The following TAOK2 variants were observed in gnomAD, a reference collection of about 807,000 sequenced individuals.
The protein encoded by TAOK2 is TAO kinase 2, also known as serine/threonine-protein kinase TAO2.
Under a neutral mutation model 122.5 loss-of-function variants are expected in TAOK2, and 42 were observed. That is an observed-to-expected ratio of 0.34 (90% CI 0.27 to 0.44). The LOEUF is 0.44. Ranked by LOEUF, TAOK2 falls within the 20% of genes least tolerant of loss-of-function variation. The pLI, the probability that TAOK2 is intolerant of heterozygous loss-of-function variation, is 1.00. For missense variants in TAOK2, 1,264 were observed against 1,644.9 expected, an observed-to-expected ratio of 0.77 and a Z score of 4.01; for synonymous variants, 704 against 677.6, an observed-to-expected ratio of 1.04 and a Z score of -0.61.
downstream of TAOK2, chr16:29,989,344 C>A (rs904824610): frequency 3.0e-6 from 3 of 985,134 alleles, no homozygotes; most frequent in Admixed American, 1.8e-4. Flanking sequence ...TCTTGCCCAT[C>A]GAGACCTTCC....
At chr16:29,988,559 C>T (rs1206932447), downstream of TAOK2, 63 of 985,244 alleles carry the variant, frequency 6.4e-5, no homozygotes, top group Non-Finnish European at 7.3e-5. Context: ...TTCATAGCTT[C>T]ATTGCACCAT....
chr16:29,991,146 AG>A (rs1567255715), downstream of TAOK2: 1 of 1,610,676 alleles, frequency 6.2e-7, no homozygotes, highest in Non-Finnish European at 8.5e-7. The surrounding 1 kb of genome is among the most constrained non-coding windows in gnomAD (Gnocchi z 5.6). Flanking sequence ...CGATGCGGAA[AG>A]CATGAGGCTG....
chr16:29,979,333 G>A lies in TAOK2; in HGVS notation c.563+25G>A. 6.2e-7 allele frequency: 1 copy of A among 1,613,128 alleles called. No individual in the cohort carries two copies. ...GGTGAGTGAGTGAGTGGTGGTGAGTGGAGAGACCTCCCAGGGATGTTGGGA... is the reference window on the plus strand; with the variant it reads ...GGTGAGTGAGTGAGTGGTGGTGAGTAGAGAGACCTCCCAGGGATGTTGGGA... On this transcript the variant is annotated intron_variant, in intron 7 of 15. Coordinates refer to ENST00000308893, the MANE Select transcript of TAOK2 (RefSeq NM_016151.4). This position sits in a 1 kb window ranked among gnomAD's most constrained non-coding sequence, Gnocchi z 4.1.
intron 1 of TAOK2, among the ~76,000 whole-genome samples, chr16:29,976,333 G>A (rs1403873366): frequency 6.6e-6 from 1 of 152,196 alleles, no homozygotes; most frequent in African/African-American, 2.4e-5. Context: ...CAATCACTCA[G>A]TCTCCCAGGC....
At position 29,986,714 on chromosome 16, in the gene TAOK2, G is replaced by T; in HGVS notation, c.2442G>T (p.Gln814His). 6.2e-7 allele frequency: 1 copy of T among 1,614,060 alleles called. No individual in the cohort carries two copies. Among genetic ancestry groups the T allele is most frequent in the Non-Finnish European group, 8.5e-7 (1 of 1,179,972 alleles). ...GGGCCACTTTGGAGCCCAAGCAGCA[G>T]AGGATTCTGGGGGAAGAATCAGGAG... ...KEGATLEPKQQRILGEESGAP... is the reference protein window; with the variant it reads ...KEGATLEPKQHRILGEESGAP... Residue 814 changes from glutamine (Q) to histidine (H), a missense_variant, in exon 16 of 16, where the codon CAG becomes CAT. Gln to His is a conservative substitution (Grantham distance 24). Around this residue, in one of 4 missense-constraint regions of TAOK2, gnomAD observed 824 missense variants for 908.7 expected, o/e 0.91. Coordinates refer to ENST00000308893, the MANE Select transcript of TAOK2 (RefSeq NM_016151.4). This position sits in a 1 kb window ranked among gnomAD's most constrained non-coding sequence, Gnocchi z 4.2.
chr16:29,988,267 G>C lies in TAOK2; in HGVS notation c.*287G>C. 6.8e-7 allele frequency: 1 copy of C among 1,470,492 alleles called. No homozygotes were observed. 91.1% of individuals were successfully genotyped at this position (1,470,492 alleles called of 1,614,324 possible). ...ACTCAGGCCTGGGGCCAGGGGTGGT[G>C]GAGGGTGGGAAGAGTCATGTTTTTT... On this transcript the variant is annotated 3_prime_UTR_variant, in exon 16 of 16. Transcript: ENST00000308893.
intron 11 of TAOK2, 45 bp downstream of exon 11, chr16:29,982,946 C>A: frequency 1.2e-6 from 2 of 1,607,592 alleles, no homozygotes; most frequent in Admixed American, 3.3e-5. Flanking sequence ...CCCATGTGTG[C>A]CTGCCCCCTG....
chr16:29,991,879 G>A (rs2069978175), downstream of TAOK2: 2 of 296,210 alleles, frequency 6.8e-6, no homozygotes, highest in Non-Finnish European at 1.2e-5. The surrounding 1 kb of genome is among the most constrained non-coding windows in gnomAD (Gnocchi z 5.6). Context: ...GGAGGGGAAG[G>A]GTGGGTCTAG....
intron 12 of TAOK2, 66 bp from the exon 13 acceptor site, chr16:29,983,437 C>T: frequency 6.4e-7 from 1 of 1,566,348 alleles, no homozygotes; most frequent in African/African-American, 1.3e-5. Context: ...GATTGGCTGT[C>T]CTCAGGTAGC....
chr16:29,989,560 C>G (rs779333579), downstream of TAOK2: 2 of 1,611,314 alleles, frequency 1.2e-6, no homozygotes, highest in Non-Finnish European at 1.7e-6. Flanking sequence ...TTCCCCGCTG[C>G]CCCCATCTCC....
downstream of TAOK2, chr16:29,991,477 G>A (rs557683834): frequency 6.1e-6 from 9 of 1,486,162 alleles, no homozygotes; most frequent in South Asian, 6.7e-5. This position sits in a 1 kb window ranked among gnomAD's most constrained non-coding sequence, Gnocchi z 5.6. Flanking sequence ...GAGAATGTGG[G>A]CCCCCCTGCT....
rs564533648 is a variant in TAOK2 at position 29,985,405 on chromosome 16, G to T, written c.1615G>T (p.Ala539Ser). ...GCAGCGGGCTGGCTTTGGGGCAGAGGCAGAAAAGCTGGCCCGGCGGCACCA... is the reference window on the plus strand; with the variant it reads ...GCAGCGGGCTGGCTTTGGGGCAGAGTCAGAAAAGCTGGCCCGGCGGCACCA... ...EAQRAGFGAE[A>S]EKLARRHQAI... Residue 539 changes from alanine (A) to serine (S), a missense_variant, in exon 14 of 16, where the codon GCA becomes TCA. By Grantham distance (99) the Ala-to-Ser change is moderately conservative (BLOSUM62 1). Transcript: ENST00000308893. The surrounding 1 kb of genome is among the most constrained non-coding windows in gnomAD (Gnocchi z 6.9). 4.3e-5 allele frequency: 69 copies of T among 1,609,016 alleles called. 3 individuals carry two copies. The South Asian group carries it at 7.4e-4, about 17-fold the overall frequency.
At chr16:29,975,045 G>T (rs1488321240) in intron 1 of TAOK2, among the ~76,000 whole-genome samples, 7 of 152,102 alleles carry the variant, frequency 4.6e-5, no homozygotes, top group African/African-American at 1.7e-4. Flanking sequence ...TGGTGGGTCT[G>T]CTTATCTGCT....
intron 1 of TAOK2, among the ~76,000 whole-genome samples, chr16:29,977,160 C>A (rs542261189): frequency 6.6e-6 from 1 of 152,254 alleles, no homozygotes; most frequent in South Asian, 2.1e-4. Context: ...CCTATTCTTC[C>A]CATTCTAGAT....
At chr16:29,982,239 A>G (rs904605561) in intron 10 of TAOK2, among the ~76,000 whole-genome samples, 1 of 152,254 alleles carries the variant, frequency 6.6e-6, no homozygotes, top group Non-Finnish European at 1.5e-5. Flanking sequence ...GATCTGATGT[A>G]ATGCAAGCCA....
chr16:29,984,881 C>T (rs1418059649), intron 13 of TAOK2, among the ~76,000 whole-genome samples: 1 of 152,170 alleles, frequency 6.6e-6, no homozygotes, highest in African/African-American at 2.4e-5. Flanking sequence ...AGTTAACTTA[C>T]TTGAGATCAC....
chr16:29,988,245 C>A lies in TAOK2; in HGVS notation c.*265C>A. ...GTGCTCATCCTCACCCTCATTGACT[C>A]AGGCCTGGGGCCAGGGGTGGTGGAG... is the stretch of plus-strand genomic sequence containing the variant. On this transcript the variant is annotated 3_prime_UTR_variant, in exon 16 of 16. Transcript: ENST00000308893. The A allele has an allele frequency of 1.4e-6, 2 of 1,454,622 alleles. No homozygotes were observed. Among genetic ancestry groups the A allele is most frequent in the Non-Finnish European group, 1.8e-6 (2 of 1,110,074 alleles). The allele number at this position is 1,454,622 out of a possible 1,614,324, so 90.1% of individuals were successfully genotyped here. A position where few individuals can be genotyped will look rare whatever the true frequency, so the allele number is the denominator to read the frequency against.
In TAOK2 at chr16:29,983,153, G is replaced by A. The variant is rs778654857; in HGVS notation, c.1081G>A (p.Ala361Thr). Residue 361 changes from alanine (A) to threonine (T), a missense_variant, in exon 12 of 16, where the codon GCC (alanine) becomes ACC (threonine). This residue lies in a region of TAOK2 where 254 missense variants were observed against 503.8 expected (regional missense o/e 0.50). Transcript: ENST00000308893. Reference sequence around the variant, plus strand: ...CTCAGTGCCCAGCATGTCCATCAGCGCCTCCAGCCAGAGCAGCTCCGTCAA... The same window carrying A: ...CTCAGTGCCCAGCATGTCCATCAGCACCTCCAGCCAGAGCAGCTCCGTCAA... ...SHSVPSMSISASSQSSSVNSL... is the reference protein window; with the variant it reads ...SHSVPSMSISTSSQSSSVNSL... 1.9e-6 allele frequency: 3 copies of A among 1,613,946 alleles called. No homozygotes were observed. The highest frequency in any genetic ancestry group is 4.5e-5 in the East Asian group (2 of 44,892).
In TAOK2 at chr16:29,987,240, C is replaced by T. The variant is rs1245208748; in HGVS notation, c.2968C>T (p.Leu990=). Residue 990 remains leucine, a synonymous_variant, in exon 16 of 16, where the codon CTG becomes TTG. Transcript: ENST00000308893. ...TGGGGGTGGCCTGCAGGCAGCGCTG[C>T]TGGCCCTTGAGGTGGGGCTGGTGGG... ...QGGGGLQAAL[L]ALEVGLVGLG... 26 of 1,537,438 alleles carry T rather than the reference C, an allele frequency of 1.7e-5. No homozygotes were observed. The highest frequency in any genetic ancestry group is 2.3e-5 in the Non-Finnish European group (26 of 1,147,862).
Sources: gnomAD v4.1 joint callset for allele counts (sites outside exome capture counted in the v4.1 genomes callset) on GRCh38, gnomAD v4.1.1 for gene constraint, gnomAD v4.1.1 regional missense constraint, Gnocchi (gnomAD v3.1) non-coding constraint, MANE v1.5 for transcripts, NCBI Gene and HGNC (gene_info 2026-07-23, HGNC 2026-07-21) for gene names.